The following MAP3K9 variants were observed in gnomAD, a reference collection of about 807,000 sequenced individuals.
The protein encoded by MAP3K9 is mixed lineage kinase 1 (tyr and ser/thr specificity).
Under a neutral mutation model 95.8 loss-of-function variants are expected in MAP3K9, and 46 were observed. That is an observed-to-expected ratio of 0.48 (90% CI 0.38 to 0.61). MAP3K9 has a LOEUF of 0.61. Among genes scored for constraint, MAP3K9 ranks in the 20% least tolerant of loss-of-function variants. The pLI is 0.00. For missense variants in MAP3K9, 1,296 were observed against 1,474.3 expected, an observed-to-expected ratio of 0.88 and a Z score of 1.98; for synonymous variants, 533 against 593.8, an observed-to-expected ratio of 0.90 and a Z score of 1.49.
rs2055042009 is a variant in MAP3K9 at position 70,809,399 on chromosome 14, G to A, written c.-228C>T. ...GCGCAGCCTAGGGGCGCAGCGGGCC[G>A]AGTCCCCGCCTGCCCGCTCGCCCCC... On this transcript the variant is annotated 5_prime_UTR_variant, in exon 1 of 12. Transcript: ENST00000554752. 2.3e-6 allele frequency: 1 copy of A among 441,466 alleles called. No individual in the cohort carries two copies. The highest frequency in any genetic ancestry group is 1.2e-4 in the South Asian group (1 of 8,174). The allele number at this position is 441,466 out of a possible 1,614,324, so 27.3% of individuals were successfully genotyped here. A position where few individuals can be genotyped will look rare whatever the true frequency, so the allele number is the denominator to read the frequency against.
intron 3 of MAP3K9, 152 bp from the exon 4 acceptor site, chr14:70,750,233 A>C (rs893916938): frequency 2.4e-6 from 2 of 823,058 alleles, no homozygotes; most frequent in African/African-American, 3.5e-5. Context: ...AAGGGAAACC[A>C]TAAAGCCTAC....
chr14:70,786,143 C>T (rs2054742491), intron 2 of MAP3K9, among the ~76,000 whole-genome samples: 1 of 152,116 alleles, frequency 6.6e-6, no homozygotes, highest in South Asian at 2.1e-4. Context: ...TTTTCCATTG[C>T]CATCCATGGG....
In MAP3K9 at chr14:70,801,011, T is replaced by C. The variant is rs781046152; in HGVS notation, c.476A>G (p.Tyr159Cys). 21 of 1,614,076 alleles carry C rather than the reference T, an allele frequency of 1.3e-5. No individual in the cohort carries two copies. The highest frequency in any genetic ancestry group is 8.9e-5 in the East Asian group (4 of 44,892). ...CTCATCCCCTATCCAGAAAGCACGA[T>C]AGACCTTCCCAAAGCCCCCGATGCC... ...IIGIGGFGKV[Y>C]RAFWIGDEVA... is the part of the protein sequence containing the mutation. The change falls in exon 2 of 12, where the codon TAT (tyrosine) becomes TGT (cysteine). Residue 159 changes from tyrosine to cysteine, a missense_variant. By Grantham distance (194) the Tyr-to-Cys change is radical (BLOSUM62 -2). This residue lies in a region of MAP3K9 where 338 missense variants were observed against 363.4 expected (regional missense o/e 0.93). Transcript: ENST00000554752.
intron 2 of MAP3K9, among the ~76,000 whole-genome samples, chr14:70,761,709 G>A (rs1471505424): frequency 6.6e-6 from 1 of 152,204 alleles, no homozygotes; most frequent in Non-Finnish European, 1.5e-5. Context: ...AATCATTAAA[G>A]CACCAAAGCT....
chr14:70,808,809 G>T lies in MAP3K9; in HGVS notation c.363C>A (p.Cys121Ter). 6.3e-7 allele frequency: 1 copy of T among 1,594,812 alleles called. No homozygotes were observed. ...AACTGGGGTCCTCGCCGCCGGGCTG[G>T]CAGCGGCTGGAGAAGGCGCTGCGCG... is the stretch of plus-strand genomic sequence containing the variant. ...VTPRSAFSSRCQPGGEDPSCY... is the reference protein window; with the variant it reads ...VTPRSAFSSR Residue 121 changes from cysteine to a stop codon, truncating the protein, a stop_gained, in exon 1 of 12, where the codon TGC becomes TGA. Coordinates refer to ENST00000554752, the MANE Select transcript of MAP3K9 (RefSeq NM_001284230.2). LOFTEE classifies it high-confidence loss of function.
At chr14:70,765,356 T>C in intron 2 of MAP3K9, 1 of 450,506 alleles carries the variant, frequency 2.2e-6, no homozygotes, top group Non-Finnish European at 3.9e-6. Flanking sequence ...ATAAATTTAG[T>C]GTAGCCTAAG....
rs1015754105 is a variant in MAP3K9, at chr14:70,726,192, C to T, written c.*4188G>A. 2 of 152,396 alleles carry T rather than the reference C, an allele frequency of 1.3e-5. No individual in the cohort carries two copies. The highest frequency in any genetic ancestry group is 4.8e-5 in the African/African-American group (2 of 41,566). 9.4% of individuals were successfully genotyped at this position (152,396 alleles called of 1,614,324 possible). A position where few individuals can be genotyped will look rare whatever the true frequency, so the allele number is the denominator to read the frequency against. On this transcript the variant is annotated 3_prime_UTR_variant, in exon 12 of 12. Transcript: ENST00000554752. ...TTGCTCGGGAGGTGTCTCCTTCACA[C>T]AAGGGAAGGAGGAGGGAGGGAGGTC... is the stretch of plus-strand genomic sequence containing the variant.
At chr14:70,742,227 A>G in intron 6 of MAP3K9, 124 bp downstream of exon 6, 1 of 1,336,418 alleles carries the variant, frequency 7.5e-7, no homozygotes, top group Non-Finnish European at 1.0e-6. Context: ...GCCCATTTAA[A>G]ACAGGCTGGA....
chr14:70,772,584 C>T lies in MAP3K9; in HGVS notation c.821-11402G>A, dbSNP rs1053649722. On this transcript the variant is annotated intron_variant, in intron 2 of 11. Coordinates refer to ENST00000554752, the MANE Select transcript of MAP3K9 (RefSeq NM_001284230.2). Reference sequence around the variant, plus strand: ...AGTTTAGGTACTGGTCCCCAGCTACCTGTTCCAGGGCTGGCCATATTGGAG... The same window carrying T: ...AGTTTAGGTACTGGTCCCCAGCTACTTGTTCCAGGGCTGGCCATATTGGAG... Among the ~76,000 whole-genome samples, 50 of 152,110 alleles carry T rather than the reference C, an allele frequency of 3.3e-4. 1 individual carries two copies.
At chr14:70,755,872 A>G (rs2054291943) in intron 3 of MAP3K9, among the ~76,000 whole-genome samples, 1 of 152,236 alleles carries the variant, frequency 6.6e-6, no homozygotes, top group Admixed American at 6.5e-5. Context: ...TCTAGACTAG[A>G]GCAACTAGAG....
chr14:70,783,476 C>G, intron 2 of MAP3K9: 5 of 860,950 alleles, frequency 5.8e-6, no homozygotes, highest in Non-Finnish European at 5.6e-6. Flanking sequence ...TTTGTCCCCT[C>G]CCCTTTCCTC....
intron 5 of MAP3K9, among the ~76,000 whole-genome samples, chr14:70,744,032 G>A (rs2054112987): frequency 1.3e-5 from 2 of 152,174 alleles, no homozygotes; most frequent in Admixed American, 1.3e-4. Context: ...CATAAAAAAG[G>A]ATGAGTTCGT....
intron 1 of MAP3K9, among the ~76,000 whole-genome samples, chr14:70,806,385 A>C (rs2054990590): frequency 6.6e-6 from 1 of 152,240 alleles, no homozygotes; most frequent in Admixed American, 6.5e-5. Context: ...CTAGGTACTC[A>C]ATAATTAGTT....
At chr14:70,733,572 G>A (rs532059425) in intron 10 of MAP3K9, among the ~76,000 whole-genome samples, 3 of 152,224 alleles carry the variant, frequency 2.0e-5, no homozygotes, top group Non-Finnish European at 4.4e-5. Context: ...CCTTAGAGCA[G>A]AATAAAAGAT....
At chr14:70,808,321 T>C (rs971596918) in intron 1 of MAP3K9, among the ~76,000 whole-genome samples, 1 of 150,862 alleles carries the variant, frequency 6.6e-6, no homozygotes, top group Non-Finnish European at 1.5e-5. Flanking sequence ...CAAATGCCTT[T>C]AGGAGGCGGG....
intron 1 of MAP3K9, among the ~76,000 whole-genome samples, chr14:70,804,003 C>T (rs1044707025): frequency 6.6e-6 from 1 of 152,174 alleles, no homozygotes; most frequent in African/African-American, 2.4e-5. Flanking sequence ...TTTGCATCAG[C>T]ATGTTGGTGT....
Position 70,730,838 on chromosome 14 carries a change from G to A in MAP3K9, c.2857C>T (p.Arg953Ter), listed in dbSNP as rs761285831. Residue 953 changes from arginine (R) to a stop codon, truncating the protein, a stop_gained, in exon 12 of 12, where the codon CGA becomes TGA. Coordinates refer to ENST00000554752, the MANE Select transcript of MAP3K9 (RefSeq NM_001284230.2). LOFTEE classifies it high-confidence loss of function. ...AGMLKTPSPS[R>*]DPGEFPRLPD... ...AGACGGGGGAATTCACCTGGGTCTC[G>A]GCTGGGACTGGGGGTTTTCAACATT... is the stretch of plus-strand genomic sequence containing the variant. 26 of 1,608,058 alleles carry A rather than the reference G, an allele frequency of 1.6e-5. No homozygotes were observed. The highest frequency in any genetic ancestry group is 2.2e-5 in the Non-Finnish European group (26 of 1,179,096).
intron 1 of MAP3K9, among the ~76,000 whole-genome samples, chr14:70,808,339 G>A (rs997643028): frequency 6.9e-6 from 1 of 144,208 alleles, no homozygotes; most frequent in East Asian, 2.2e-4. Flanking sequence ...GGGGACAGGC[G>A]TTAGAAGAGG....
chr14:70,757,952 G>GA (rs1399004416), intron 3 of MAP3K9, among the ~76,000 whole-genome samples: 1 of 151,966 alleles, frequency 6.6e-6, no homozygotes, highest in Non-Finnish European at 1.5e-5. Context: ...AAAACTCTTA[G>GA]AAAAAAATAT....
Sources: gnomAD v4.1 joint callset for allele counts (sites outside exome capture counted in the v4.1 genomes callset) on GRCh38, gnomAD v4.1.1 for gene constraint, gnomAD v4.1.1 regional missense constraint, MANE v1.5 for transcripts, NCBI Gene and HGNC (gene_info 2026-07-23, HGNC 2026-07-21) for gene names.